The following LURAP1L variants were observed in gnomAD, a reference collection of about 807,000 sequenced individuals.
The protein encoded by LURAP1L is leucine rich adaptor protein 1 like, also known as leucine rich adaptor protein 1-like.
A neutral mutation model predicts 13.8 loss-of-function variants in LURAP1L; 12 were observed. The ratio of observed to expected loss-of-function variants is 0.87; its 90% CI spans 0.56 to 1.41. LURAP1L has a LOEUF of 1.41. LURAP1L is among the 40% of genes most tolerant of loss of function. The probability of loss-of-function intolerance (pLI) is 0.00; values close to 1 mark genes in which losing one functional copy is unlikely to be tolerated. For missense variants in LURAP1L, 375 were observed against 292.9 expected (o/e 1.28, Z -2.04); for synonymous variants, 139 against 119.2 (o/e 1.17, Z -1.08).
chr9:12,806,887 C>G (rs1183784878), intron 1 of LURAP1L, among the ~76,000 whole-genome samples: 1 of 151,238 alleles, frequency 6.6e-6, no homozygotes, highest in East Asian at 1.9e-4. Context: ...CCTCTTTTTG[C>G]CCCTCAGTTA....
In LURAP1L at chr9:12,790,433, C is replaced by T. The variant is rs115574627; in HGVS notation, c.312+14406C>T. The stretch of plus-strand genomic sequence containing the variant: ...TTTTGTGTTTGGACTACACTAGCAA[C>T]ATTTGCTTTTTTGTAGTGGATCATA... On this transcript the variant is annotated intron_variant, in intron 1 of 1. Transcript: ENST00000319264. Among the ~76,000 whole-genome samples, 448 of 152,196 alleles carry T rather than the reference C, an allele frequency of 2.9e-3. 2 individuals carry two copies. The highest frequency in any genetic ancestry group is 9.8e-3 in the African/African-American group (409 of 41,550).
At position 12,822,381 on chromosome 9, in the gene LURAP1L, A is replaced by G; in HGVS notation, c.*621A>G. On this transcript the variant is annotated 3_prime_UTR_variant, in exon 2 of 2. Transcript: ENST00000319264. ...ACCCTTGTGTTGGTACTTTAGATTA[A>G]CATTTTGTCATCAGTGATTCTAACT... 6.6e-6 allele frequency among the ~76,000 whole-genome samples: 1 copy of G among 152,202 alleles called. No homozygotes were observed. The highest frequency in any genetic ancestry group is 1.9e-4 in the East Asian group (1 of 5,198).
At chr9:12,789,529 C>T (rs1320778592) in intron 1 of LURAP1L, among the ~76,000 whole-genome samples, 5 of 152,090 alleles carry the variant, frequency 3.3e-5, no homozygotes, top group Non-Finnish European at 5.9e-5. Context: ...GTGATTAGTG[C>T]CCAAGTAAGA....
Position 12,821,603 on chromosome 9 carries a change from T to C in LURAP1L, c.530T>C (p.Ile177Thr). 6.2e-7 allele frequency: 1 copy of C among 1,614,180 alleles called. No homozygotes were observed. The highest frequency in any genetic ancestry group is 2.2e-5 in the East Asian group (1 of 44,866). The change falls in exon 2 of 2, where the codon ATT becomes ACT. Residue 177 changes from isoleucine (I) to threonine (T), a missense_variant. Transcript: ENST00000319264. ...LHDGSDGLDG[I>T]SVGSYLDTLA... ...GATGGCAGTGATGGGCTGGATGGCATTTCCGTGGGAAGTTATCTGGACACG... is the reference window on the plus strand; with the variant it reads ...GATGGCAGTGATGGGCTGGATGGCACTTCCGTGGGAAGTTATCTGGACACG...
intron 1 of LURAP1L, among the ~76,000 whole-genome samples, chr9:12,805,989 A>T (rs1295239062): frequency 6.6e-6 from 1 of 152,240 alleles, no homozygotes; most frequent in Non-Finnish European, 1.5e-5. Flanking sequence ...ATCAGAAGAC[A>T]AATCTGACAG....
intron 1 of LURAP1L, among the ~76,000 whole-genome samples, chr9:12,793,938 C>G (rs971831996): frequency 6.6e-6 from 1 of 152,080 alleles, no homozygotes; most frequent in South Asian, 2.1e-4. Context: ...AAATGGATGC[C>G]GCTTTCTGTG....
intron 1 of LURAP1L, among the ~76,000 whole-genome samples, chr9:12,810,321 C>T (rs980107543): frequency 1.3e-5 from 2 of 152,168 alleles, no homozygotes; most frequent in African/African-American, 2.4e-5. Flanking sequence ...CTACAGAAAG[C>T]TAAGGCCTTC....
At chr9:12,786,257 T>C (rs534093760) in intron 1 of LURAP1L, among the ~76,000 whole-genome samples, 1 of 152,064 alleles carries the variant, frequency 6.6e-6, no homozygotes, top group South Asian at 2.1e-4. Context: ...CTGTCACTTC[T>C]CCTATACAAA....
At chr9:12,791,542 C>T (rs763324323) in intron 1 of LURAP1L, among the ~76,000 whole-genome samples, 10 of 151,932 alleles carry the variant, frequency 6.6e-5, no homozygotes, top group African/African-American at 7.2e-5. Context: ...CCAGACTTTA[C>T]GTAAAAATTG....
chr9:12,784,329 T>C (rs1819319418), intron 1 of LURAP1L, among the ~76,000 whole-genome samples: 1 of 152,204 alleles, frequency 6.6e-6, no homozygotes, highest in Non-Finnish European at 1.5e-5. Flanking sequence ...TGCTTGTACC[T>C]GCCCTTCTTG....
chr9:12,795,484 A>G (rs964448165), intron 1 of LURAP1L, among the ~76,000 whole-genome samples: 1 of 152,074 alleles, frequency 6.6e-6, no homozygotes, highest in Non-Finnish European at 1.5e-5. Context: ...TTAGAGAAAT[A>G]GGATAGCTGT....
chr9:12,799,626 A>G (rs978639589), intron 1 of LURAP1L, among the ~76,000 whole-genome samples: 1 of 152,184 alleles, frequency 6.6e-6, no homozygotes, highest in African/African-American at 2.4e-5. Flanking sequence ...CACGCCTGTA[A>G]TCCCAGCACT....
intron 1 of LURAP1L, among the ~76,000 whole-genome samples, chr9:12,820,742 G>A (rs1819867881): frequency 1.3e-5 from 2 of 152,116 alleles, no homozygotes; most frequent in South Asian, 2.1e-4. Flanking sequence ...AAAAGCAAAA[G>A]CATTATTCAG....
intron 1 of LURAP1L, among the ~76,000 whole-genome samples, chr9:12,782,414 A>G (rs1390834380): frequency 2.6e-5 from 4 of 152,188 alleles, no homozygotes; most frequent in Admixed American, 6.5e-5. Flanking sequence ...TAGATTTTGT[A>G]TATGGCAAGA....
intron 1 of LURAP1L, among the ~76,000 whole-genome samples, chr9:12,792,667 T>C (rs185917987): frequency 6.6e-6 from 1 of 152,220 alleles, no homozygotes; most frequent in East Asian, 1.9e-4. Context: ...GATTTACTTT[T>C]TTAAAATTCA....
At chr9:12,789,201 T>C (rs938847893) in intron 1 of LURAP1L, among the ~76,000 whole-genome samples, 2 of 152,138 alleles carry the variant, frequency 1.3e-5, no homozygotes, top group African/African-American at 4.8e-5. Flanking sequence ...ACCACAACTC[T>C]GTGTTTTTCT....
chr9:12,787,411 GC>G (rs879542003), intron 1 of LURAP1L, among the ~76,000 whole-genome samples: 19 of 152,066 alleles, frequency 1.2e-4, no homozygotes, highest in Admixed American at 1.2e-3. Context: ...TAGATTGTTG[GC>G]AAAGGACACC....
intron 1 of LURAP1L, among the ~76,000 whole-genome samples, chr9:12,807,199 C>A (rs1178371028): frequency 2.9e-5 from 4 of 135,820 alleles, no homozygotes; most frequent in Non-Finnish European, 6.3e-5. Context: ...CCGGGAGGCG[C>A]AGCTTGCAGT....
At chr9:12,782,464 A>G (rs569709979) in intron 1 of LURAP1L, among the ~76,000 whole-genome samples, 1 of 152,302 alleles carries the variant, frequency 6.6e-6, no homozygotes, top group East Asian at 1.9e-4. Context: ...ATGGATATGT[A>G]GTTTTGGCAG....
Sources: gnomAD v4.1 joint callset for allele counts (sites outside exome capture counted in the v4.1 genomes callset) on GRCh38, gnomAD v4.1.1 for gene constraint, MANE v1.5 for transcripts, NCBI Gene and HGNC (gene_info 2026-07-23, HGNC 2026-07-21) for gene names.